Variants in KIF21A observed in about 807,000 individuals in gnomAD.
KIF21A encodes the protein kinesin family member 21A, also known as kinesin-like protein KIF21A.
KIF21A carries 114 observed loss-of-function variants against 202.9 expected under a neutral mutation model. The observed-to-expected ratio is 0.56, with a 90% CI of 0.48 to 0.66. The LOEUF (loss-of-function observed/expected upper bound fraction) is 0.66. Ranked by LOEUF, KIF21A falls within the 30% of genes least tolerant of loss-of-function variation. KIF21A has a pLI of 0.00. For missense variants in KIF21A, 1,677 were observed against 1,994.9 expected (o/e 0.84, Z 3.04); for synonymous variants, 667 against 670.8 (o/e 0.99, Z 0.09).
chr12:39,410,909 G>A (rs763730916), intron 1 of KIF21A, among the ~76,000 whole-genome samples: 6 of 152,144 alleles, frequency 3.9e-5, no homozygotes, highest in Non-Finnish European at 7.3e-5. Flanking sequence ...CTGGAGGAAT[G>A]GAGGGAGGGA....
intron 36 of KIF21A, among the ~76,000 whole-genome samples, 157 bp from the exon 37 acceptor site, chr12:39,301,836 A>C (rs2137126524): frequency 6.6e-6 from 1 of 152,384 alleles, no homozygotes; most frequent in South Asian, 2.1e-4. Flanking sequence ...AGTGATTTAA[A>C]GAAATAAACG....
intron 12 of KIF21A, among the ~76,000 whole-genome samples, chr12:39,342,523 T>C (rs1947528929): frequency 6.6e-6 from 1 of 152,194 alleles, no homozygotes. Context: ...AATACAAAGA[T>C]ATAAAAAACT....
intron 1 of KIF21A, among the ~76,000 whole-genome samples, chr12:39,373,469 C>T (rs1435369730): frequency 2.0e-5 from 3 of 152,144 alleles, no homozygotes; most frequent in Non-Finnish European, 4.4e-5. Context: ...TGAAAGCTAC[C>T]TCATTAACTC....
intron 37 of KIF21A, among the ~76,000 whole-genome samples, chr12:39,295,205 A>C (rs531679108): frequency 6.6e-6 from 1 of 152,356 alleles, no homozygotes; most frequent in Admixed American, 6.5e-5. Flanking sequence ...GTTATTGTTC[A>C]TTGAAATTGA....
chr12:39,425,548 G>A (rs1233230414), intron 1 of KIF21A, among the ~76,000 whole-genome samples: 1 of 151,924 alleles, frequency 6.6e-6, no homozygotes, highest in Non-Finnish European at 1.5e-5. Flanking sequence ...AATTGGAGGA[G>A]GAATAAAAAA....
intron 1 of KIF21A, among the ~76,000 whole-genome samples, chr12:39,420,074 T>TAAAAAAAAAAAAAA (rs72435342): frequency 1.1e-4 from 9 of 83,100 alleles, no homozygotes; most frequent in East Asian, 3.5e-4. Context: ...AGACAGAAAG[T>TAAAAAAAAAAAAAA]AAAAAAAAAA....
chr12:39,359,186 A>T (rs1949017499), intron 7 of KIF21A, among the ~76,000 whole-genome samples: 1 of 152,086 alleles, frequency 6.6e-6, no homozygotes, highest in Admixed American at 6.5e-5. Flanking sequence ...TTCGACAATA[A>T]TCTCAACACA....
intron 1 of KIF21A, among the ~76,000 whole-genome samples, chr12:39,423,443 C>T (rs1022723328): frequency 9.9e-5 from 15 of 152,100 alleles, no homozygotes; most frequent in African/African-American, 3.4e-4. Flanking sequence ...CTCCTCGCCA[C>T]TGATAGTCCT....
At position 39,442,462 on chromosome 12, in the gene KIF21A, TTGTCTCC is replaced by T. The variant is rs1240534068; in HGVS notation, c.44+458_44+464del. 6.6e-6 allele frequency among the ~76,000 whole-genome samples: 1 copy of T among 152,038 alleles called. No homozygotes were observed. The highest frequency in any genetic ancestry group is 1.9e-4 in the East Asian group (1 of 5,162). On this transcript the variant is annotated intron_variant, in intron 1 of 37. Coordinates refer to ENST00000361418, the MANE Select transcript of KIF21A (RefSeq NM_001173464.2). The surrounding 1 kb of genome is among the most constrained non-coding windows in gnomAD (Gnocchi z 5.0). ...TCGCCGGCGCTGATAGTCAGATGCT[TTGTCTCC>T]TGCCTGGGAAGGCCGGAGCTGCATG... is the stretch of plus-strand genomic sequence containing the variant.
rs1442245860 is a variant in KIF21A, at chr12:39,358,206, A to C, written c.1187T>G (p.Leu396Arg). Residue 396 changes from leucine (L) to arginine (R), a missense_variant, in exon 8 of 38, where the codon CTT (leucine) becomes CGT (arginine). By Grantham distance (102) the Leu-to-Arg change is moderately radical. Coordinates refer to ENST00000361418, the MANE Select transcript of KIF21A (RefSeq NM_001173464.2). Reference sequence around the variant, plus strand: ...TTTGTACTCCATGAGCTCCATCTGAAGTCGTGTGATTTCACTACGAAGTGC... The same window carrying C: ...TTTGTACTCCATGAGCTCCATCTGACGTCGTGTGATTTCACTACGAAGTGC... ...INALRSEITR[L>R]QMELMEYKTG... 6.2e-7 allele frequency: 1 copy of C among 1,613,896 alleles called. No homozygotes were observed. The highest frequency in any genetic ancestry group is 8.5e-7 in the Non-Finnish European group (1 of 1,179,968).
chr12:39,322,624 TAAAGCC>T, intron 27 of KIF21A, 38 bp downstream of exon 27: 1 of 1,441,766 alleles, frequency 6.9e-7, no homozygotes, highest in Admixed American at 1.7e-5. Context: ...CTTTTTTTTT[TAAAGCC>T]AAAAGAAAAG....
intron 10 of KIF21A, among the ~76,000 whole-genome samples, chr12:39,355,013 T>C (rs1157649008): frequency 1.3e-5 from 2 of 152,208 alleles, no homozygotes; most frequent in African/African-American, 2.4e-5. Flanking sequence ...GGTTCATTTA[T>C]GCTTATCCCA....
In KIF21A at chr12:39,326,254, G is replaced by T. The variant is rs549684088; in HGVS notation, c.3401+10C>A. Reference sequence around the variant, plus strand: ...TAAGTCAACTCTATTGTTTCTAAAGGCCTTCTTACCTTCCTTCTGATCCTG... The same window carrying T: ...TAAGTCAACTCTATTGTTTCTAAAGTCCTTCTTACCTTCCTTCTGATCCTG... On this transcript the variant is annotated intron_variant, in intron 25 of 37. Transcript: ENST00000361418. 8.8e-6 allele frequency: 14 copies of T among 1,585,094 alleles called. No individual in the cohort carries two copies. In the South Asian group the frequency reaches 1.3e-4, roughly 15 times the overall value.
intron 1 of KIF21A, among the ~76,000 whole-genome samples, chr12:39,433,336 C>G (rs777575220): frequency 1.3e-5 from 2 of 151,940 alleles, no homozygotes; most frequent in Non-Finnish European, 1.5e-5. Context: ...AGGCACATTG[C>G]CCCAGTAGCT....
intron 1 of KIF21A, among the ~76,000 whole-genome samples, chr12:39,397,290 A>G (rs1241029636): frequency 6.6e-6 from 1 of 152,182 alleles, no homozygotes; most frequent in Non-Finnish European, 1.5e-5. Context: ...ACCACAATTG[A>G]TGGGAAATAA....
At chr12:39,336,342 C>A (rs1260153517) in intron 17 of KIF21A, among the ~76,000 whole-genome samples, 7 of 152,130 alleles carry the variant, frequency 4.6e-5, no homozygotes, top group Non-Finnish European at 1.0e-4. Flanking sequence ...AACCCTAACA[C>A]AACTACAATT....
intron 1 of KIF21A, among the ~76,000 whole-genome samples, chr12:39,377,473 C>T (rs1279994023): frequency 6.6e-6 from 1 of 152,128 alleles, no homozygotes; most frequent in African/African-American, 2.4e-5. Context: ...ATTAAGGAAG[C>T]ATCTGCCCTA....
chr12:39,365,606 T>C (rs1433652370), intron 6 of KIF21A, among the ~76,000 whole-genome samples: 1 of 151,536 alleles, frequency 6.6e-6, no homozygotes, highest in East Asian at 1.9e-4. Context: ...ATTATCATTT[T>C]GAAACAATCA....
chr12:39,315,462 T>G (rs1461750524), intron 30 of KIF21A, among the ~76,000 whole-genome samples: 1 of 152,046 alleles, frequency 6.6e-6, no homozygotes, highest in African/African-American at 2.4e-5. Flanking sequence ...TAGTGTTTAT[T>G]TCCTATTCTT....
Sources: gnomAD v4.1 joint callset for allele counts (sites outside exome capture counted in the v4.1 genomes callset) on GRCh38, gnomAD v4.1.1 for gene constraint, Gnocchi (gnomAD v3.1) non-coding constraint, MANE v1.5 for transcripts, NCBI Gene and HGNC (gene_info 2026-07-23, HGNC 2026-07-21) for gene names.